RIT2: variants seen among roughly 807,000 people sequenced by gnomAD.
RIT2 encodes the protein GTP-binding protein Rit2.
Under a neutral mutation model 23.7 loss-of-function variants are expected in RIT2, and 24 were observed. The observed-to-expected ratio is 1.01, with a 90% CI of 0.73 to 1.43. The LOEUF (loss-of-function observed/expected upper bound fraction) is 1.43. Among genes scored for constraint, RIT2 ranks in the 40% most tolerant of loss-of-function variants. RIT2 has a pLI of 0.00. For synonymous variants in RIT2, 107 were observed against 91.1 expected (o/e 1.17, Z -0.99); for missense variants, 236 against 266.9 (o/e 0.88, Z 0.81).
At chr18:43,044,926 T>G (rs1212459387) in intron 1 of RIT2, among the ~76,000 whole-genome samples, 1 of 152,180 alleles carries the variant, frequency 6.6e-6, no homozygotes, top group East Asian at 1.9e-4. Context: ...CTTCACTGAC[T>G]GATTTTCAAG....
chr18:43,104,869 T>C (rs1280474027), intron 1 of RIT2, among the ~76,000 whole-genome samples: 1 of 152,108 alleles, frequency 6.6e-6, no homozygotes, highest in Non-Finnish European at 1.5e-5. Flanking sequence ...CCTGCAACCA[T>C]TAAATATGAC....
At position 42,760,460 on chromosome 18, in the gene RIT2, A is replaced by G. The variant is rs1313012471; in HGVS notation, c.427-16740T>C. 2.6e-5 allele frequency among the ~76,000 whole-genome samples: 4 copies of G among 152,298 alleles called. No homozygotes were observed. In the East Asian group the frequency reaches 7.7e-4, roughly 29 times the overall value. On this transcript the variant is annotated intron_variant, in intron 4 of 4. Transcript: ENST00000326695. ...AGAGCACCTGGCAAACAACACTATC[A>G]CTGCAATGGCTTGTCAGCTCACTGA...
intron 4 of RIT2, among the ~76,000 whole-genome samples, chr18:42,791,313 GC>G (rs2143946696): frequency 6.6e-6 from 1 of 152,108 alleles, no homozygotes; most frequent in East Asian, 1.9e-4. Flanking sequence ...TCAGTTCTTT[GC>G]TTTGCCATTT....
chr18:42,807,809 G>GTGTA (rs1475977057), intron 4 of RIT2, among the ~76,000 whole-genome samples: 8 of 151,978 alleles, frequency 5.3e-5, no homozygotes, highest in African/African-American at 1.7e-4. Flanking sequence ...GTGTGTGTGT[G>GTGTA]TGTGTGTGTG....
At chr18:43,059,361 CAA>C (rs1191747306) in intron 1 of RIT2, among the ~76,000 whole-genome samples, 2 of 152,102 alleles carry the variant, frequency 1.3e-5, no homozygotes, top group African/African-American at 4.8e-5. Flanking sequence ...AGACTTCATT[CAA>C]AACCACAATG....
At chr18:43,113,383 T>C (rs1295643869) in intron 1 of RIT2, among the ~76,000 whole-genome samples, 5 of 152,200 alleles carry the variant, frequency 3.3e-5, no homozygotes, top group Admixed American at 6.5e-5. Flanking sequence ...CTTATCCTTA[T>C]CTTTCTCTGA....
intron 4 of RIT2, among the ~76,000 whole-genome samples, chr18:42,836,407 C>G (rs1356764800): frequency 1.3e-5 from 2 of 151,896 alleles, no homozygotes; most frequent in African/African-American, 4.8e-5. Context: ...ACTTAGGAGC[C>G]CATGTGTGTG....
chr18:43,092,175 T>C (rs1204574109), intron 1 of RIT2, among the ~76,000 whole-genome samples: 1 of 152,036 alleles, frequency 6.6e-6, no homozygotes, highest in Non-Finnish European at 1.5e-5. Flanking sequence ...ATTCTTTAGA[T>C]TGTAGATGCC....
intron 4 of RIT2, among the ~76,000 whole-genome samples, chr18:42,913,814 T>C (rs185416250): frequency 6.6e-5 from 10 of 152,120 alleles, no homozygotes; most frequent in Admixed American, 1.3e-4. Flanking sequence ...TATAACAATG[T>C]GCAATTCCTT....
chr18:42,990,920 T>TTTG (rs1555650900), intron 2 of RIT2, among the ~76,000 whole-genome samples: 1 of 150,566 alleles, frequency 6.6e-6, no homozygotes, highest in Non-Finnish European at 1.5e-5. Flanking sequence ...TTGTTTTTTT[T>TTTG]TTTTTTTTTT....
intron 4 of RIT2, among the ~76,000 whole-genome samples, chr18:42,860,478 A>G (rs892612195): frequency 2.0e-5 from 3 of 152,186 alleles, no homozygotes; most frequent in African/African-American, 7.2e-5. Context: ...CAGTGTTCTC[A>G]TTGCTTTTAT....
intron 1 of RIT2, among the ~76,000 whole-genome samples, chr18:43,037,622 A>G (rs186561527): frequency 1.2e-3 from 183 of 152,114 alleles, no homozygotes; most frequent in Non-Finnish European, 2.1e-3. Flanking sequence ...ATAAATCTTC[A>G]TCAATTACCT....
At chr18:43,053,880 T>G (rs948734382) in intron 1 of RIT2, among the ~76,000 whole-genome samples, 4 of 152,120 alleles carry the variant, frequency 2.6e-5, no homozygotes, top group Non-Finnish European at 4.4e-5. Flanking sequence ...CAGAAACCAA[T>G]AGTATAATCT....
intron 1 of RIT2, among the ~76,000 whole-genome samples, chr18:43,091,500 T>C (rs1418671323): frequency 6.6e-6 from 1 of 152,074 alleles, no homozygotes; most frequent in Non-Finnish European, 1.5e-5. Flanking sequence ...ATGGCCCCAT[T>C]TGGAAACCCC....
chr18:42,850,678 G>T (rs1360627315), intron 4 of RIT2, among the ~76,000 whole-genome samples: 1 of 152,178 alleles, frequency 6.6e-6, no homozygotes, highest in Non-Finnish European at 1.5e-5. Context: ...GCAATATGTA[G>T]AAGATACAAT....
intron 1 of RIT2, among the ~76,000 whole-genome samples, chr18:43,035,820 G>GA (rs1358785551): frequency 6.6e-6 from 1 of 152,138 alleles, no homozygotes; most frequent in East Asian, 1.9e-4. Context: ...CTGTATTTTG[G>GA]AACTAAGACC....
chr18:42,882,815 A>G (rs1436707595), intron 4 of RIT2, among the ~76,000 whole-genome samples: 1 of 152,182 alleles, frequency 6.6e-6, no homozygotes, highest in Non-Finnish European at 1.5e-5. Flanking sequence ...AATTGCTCCT[A>G]CAGACTATGG....
chr18:42,887,069 C>G (rs546356192), intron 4 of RIT2, among the ~76,000 whole-genome samples: 2 of 152,134 alleles, frequency 1.3e-5, no homozygotes, highest in Admixed American at 1.3e-4. Flanking sequence ...TGTTTAAGAA[C>G]AATTATTTGT....
At chr18:42,882,861 A>G (rs1907929412) in intron 4 of RIT2, among the ~76,000 whole-genome samples, 7 of 152,290 alleles carry the variant, frequency 4.6e-5, no homozygotes, top group Admixed American at 3.9e-4. Flanking sequence ...ACTATGAAAA[A>G]TTAGGCACAT....
Sources: gnomAD v4.1 joint callset for allele counts (sites outside exome capture counted in the v4.1 genomes callset) on GRCh38, gnomAD v4.1.1 for gene constraint, MANE v1.5 for transcripts, NCBI Gene and HGNC (gene_info 2026-07-23, HGNC 2026-07-21) for gene names.